Variants in CAMK1D observed in about 807,000 individuals in gnomAD.
The protein encoded by CAMK1D is calcium/calmodulin-dependent protein kinase type 1D.
CAMK1D carries 9 observed loss-of-function variants against 47.7 expected under a neutral mutation model. The observed-to-expected ratio is 0.19, with a 90% confidence interval of 0.11 to 0.33. CAMK1D has a LOEUF of 0.33. CAMK1D is among the 10% of genes least tolerant of loss of function. The pLI is 1.00. For missense variants in CAMK1D, 291 were observed against 488.7 expected, an observed-to-expected ratio of 0.60 and a Z score of 3.81; for synonymous variants, 184 against 184.9, an observed-to-expected ratio of 0.99 and a Z score of 0.04.
intron 1 of CAMK1D, among the ~76,000 whole-genome samples, chr10:12,513,224 G>C (rs540768401): frequency 4.6e-5 from 7 of 152,312 alleles, no homozygotes; most frequent in African/African-American, 1.7e-4. Context: ...AGATGTGTCA[G>C]GATGGGGAGT....
chr10:12,436,744 G>T lies in CAMK1D; in HGVS notation c.92+86834G>T, dbSNP rs188721945. Among the ~76,000 whole-genome samples, 4 of 152,264 alleles carry T rather than the reference G, an allele frequency of 2.6e-5. 1 individual carries two copies. In the Middle Eastern group the frequency reaches 0.01, roughly 388 times the overall value. On this transcript the variant is annotated intron_variant, in intron 1 of 10. Transcript: ENST00000619168. The stretch of plus-strand genomic sequence containing the variant: ...TTGATACAGGATCCCTGAGACCAAC[G>T]GGTGATCTCAGTGTGACAGGATCTA...
intron 6 of CAMK1D, among the ~76,000 whole-genome samples, chr10:12,804,664 T>C (rs1838637849): frequency 6.6e-6 from 1 of 151,554 alleles, no homozygotes; most frequent in African/African-American, 2.4e-5. Context: ...CTGAGTATGA[T>C]GGCTCATGCC....
intron 1 of CAMK1D, among the ~76,000 whole-genome samples, chr10:12,522,288 C>A (rs971189524): frequency 2.9e-5 from 4 of 139,316 alleles, no homozygotes; most frequent in African/African-American, 1.1e-4. Context: ...GAGGGAAGGT[C>A]AGCAGACAAA....
intron 1 of CAMK1D, among the ~76,000 whole-genome samples, chr10:12,522,401 TAA>T (rs1835450770): frequency 8.9e-6 from 1 of 112,740 alleles, no homozygotes; most frequent in Admixed American, 8.6e-5. Context: ...TGATGACTCT[TAA>T]CGAGCATGCT....
intron 5 of CAMK1D, among the ~76,000 whole-genome samples, chr10:12,786,996 A>G (rs1837753530): frequency 6.6e-6 from 1 of 152,144 alleles, no homozygotes; most frequent in African/African-American, 2.4e-5. Flanking sequence ...GGTGGCGCAC[A>G]TATGTAATCC....
intron 1 of CAMK1D, among the ~76,000 whole-genome samples, chr10:12,439,387 C>T (rs557672813): frequency 3.3e-5 from 5 of 152,202 alleles, no homozygotes; most frequent in African/African-American, 1.2e-4. Flanking sequence ...ACTCTGTGCT[C>T]GTGTATATGT....
intron 1 of CAMK1D, among the ~76,000 whole-genome samples, chr10:12,407,325 C>T (rs1230921355): frequency 2.6e-5 from 4 of 152,262 alleles, no homozygotes; most frequent in African/African-American, 9.6e-5. Context: ...GCTCCCACTG[C>T]CAGGGGAAGG....
chr10:12,642,435 C>G (rs1013500383), intron 2 of CAMK1D, among the ~76,000 whole-genome samples: 1 of 152,226 alleles, frequency 6.6e-6, no homozygotes. Flanking sequence ...AGCAACCACA[C>G]ACCAAGGCTG....
chr10:12,461,373 C>T (rs1833416985), intron 1 of CAMK1D, among the ~76,000 whole-genome samples: 1 of 152,114 alleles, frequency 6.6e-6, no homozygotes, highest in Non-Finnish European at 1.5e-5. Context: ...ATGCTTTTTA[C>T]TATTTGGGGT....
intron 2 of CAMK1D, among the ~76,000 whole-genome samples, chr10:12,553,837 C>G (rs1836671876): frequency 6.6e-6 from 1 of 152,206 alleles, no homozygotes; most frequent in Non-Finnish European, 1.5e-5. Context: ...GCTGTTATTA[C>G]TGCTTTATTT....
intron 4 of CAMK1D, among the ~76,000 whole-genome samples, chr10:12,766,675 A>T (rs1031998381): frequency 2.3e-4 from 35 of 151,928 alleles, no homozygotes; most frequent in African/African-American, 7.3e-4. Flanking sequence ...CTGCAAAATA[A>T]TTTCTTTCTA....
intron 1 of CAMK1D, among the ~76,000 whole-genome samples, chr10:12,480,690 G>A (rs1219575855): frequency 2.0e-5 from 3 of 152,314 alleles, no homozygotes; most frequent in Admixed American, 6.5e-5. Flanking sequence ...GCCCAAGGCC[G>A]TGTAGGTGAT....
intron 1 of CAMK1D, among the ~76,000 whole-genome samples, chr10:12,362,017 C>T (rs1162578001): frequency 2.0e-5 from 3 of 152,156 alleles, no homozygotes; most frequent in African/African-American, 7.2e-5. Flanking sequence ...TTTCTTCCCC[C>T]TTCTTTCTTG....
chr10:12,559,734 G>T (rs1210782950), intron 2 of CAMK1D, among the ~76,000 whole-genome samples: 1 of 152,150 alleles, frequency 6.6e-6, no homozygotes, highest in Non-Finnish European at 1.5e-5. Flanking sequence ...TGAGAACCTC[G>T]CTTCTCAAGG....
intron 2 of CAMK1D, among the ~76,000 whole-genome samples, chr10:12,572,193 A>G (rs949679553): frequency 3.9e-5 from 6 of 152,022 alleles, no homozygotes; most frequent in East Asian, 1.9e-4. Flanking sequence ...TTCATCTCTA[A>G]TTGTAATCCC....
At chr10:12,638,341 C>T (rs75389392) in intron 2 of CAMK1D, among the ~76,000 whole-genome samples, 2,935 of 152,228 alleles carry the variant, frequency 0.019, 88 homozygotes, top group African/African-American at 0.067. Context: ...TTTACTGTAT[C>T]CCTCCACATC....
intron 1 of CAMK1D, among the ~76,000 whole-genome samples, chr10:12,435,618 G>T (rs1386308965): frequency 6.6e-6 from 1 of 152,134 alleles, no homozygotes; most frequent in Non-Finnish European, 1.5e-5. Context: ...TGGCTTAGTG[G>T]TCATCTCCAG....
At chr10:12,615,548 G>A (rs1564446372) in intron 2 of CAMK1D, among the ~76,000 whole-genome samples, 3 of 150,074 alleles carry the variant, frequency 2.0e-5, no homozygotes, top group Non-Finnish European at 1.5e-5. Flanking sequence ...GTGTACATGT[G>A]TAGTTATGTG....
intron 5 of CAMK1D, among the ~76,000 whole-genome samples, chr10:12,777,482 C>A (rs1837310888): frequency 6.8e-6 from 1 of 146,854 alleles, no homozygotes; most frequent in Non-Finnish European, 1.5e-5. Flanking sequence ...AAGCGATTGT[C>A]CTGCCTCAGC....
Sources: allele counts gnomAD v4.1 joint callset (sites outside exome capture counted in the v4.1 genomes callset), GRCh38; gene constraint gnomAD v4.1.1; transcripts MANE v1.5; gene names NCBI Gene and HGNC (gene_info 2026-07-23, HGNC 2026-07-21).